Variants in RIOX1 observed in about 807,000 individuals in gnomAD.
The protein encoded by RIOX1 is 60S ribosomal protein L8 histidine hydroxylase.
A neutral mutation model predicts 44.6 loss-of-function variants in RIOX1; 33 were observed. The observed-to-expected ratio is 0.74, with a 90% CI of 0.56 to 0.99. RIOX1 has a LOEUF of 0.99. Among genes scored for constraint, RIOX1 ranks in the 50% least tolerant of loss-of-function variants. The pLI is 0.00. For synonymous variants in RIOX1, 387 were observed against 395.8 expected (o/e 0.98, Z 0.26); for missense variants, 821 against 871.7 (o/e 0.94, Z 0.73).
Position 73,491,668 on chromosome 14 carries a change from C to T in RIOX1, c.651C>T (p.His217=), listed in dbSNP as rs778314813. 1.0e-4 allele frequency: 156 copies of T among 1,550,110 alleles called. 1 individual carries two copies. In the South Asian group the frequency reaches 1.4e-3, roughly 14 times the overall value. ...TCATCGCGCCCATGCCGCCAGATCACTTTTACCGGCGCCTATGGGAGCGCG... is the reference window on the plus strand; with the variant it reads ...TCATCGCGCCCATGCCGCCAGATCATTTTTACCGGCGCCTATGGGAGCGCG... The part of the protein sequence containing the change: ...EWLIAPMPPD[H]FYRRLWEREA... The change falls in exon 1 of 1, where the codon CAC becomes CAT. Residue 217 remains histidine (H), a synonymous_variant. Transcript: ENST00000304061.
In RIOX1 at chr14:73,493,031, C is replaced by A; in HGVS notation, c.*88C>A. On this transcript the variant is annotated 3_prime_UTR_variant, in exon 1 of 1. Transcript: ENST00000304061. The stretch of plus-strand genomic sequence containing the variant: ...TTTTTTTTTTCCTTAAACTCACGTT[C>A]TTACCTTGATAAGCATCAGTGTGCT... The A allele has an allele frequency of 6.5e-7, 1 of 1,530,384 alleles. No homozygotes were observed. Among genetic ancestry groups the A allele is most frequent in the South Asian group, 1.2e-5 (1 of 84,160 alleles). The allele number at this position is 1,530,384 out of a possible 1,614,324, so 94.8% of individuals were successfully genotyped here.
rs370838005 is a variant in RIOX1 at position 73,492,636 on chromosome 14, C to G, written c.1619C>G (p.Ala540Gly). The G allele has an allele frequency of 6.2e-7, 1 of 1,613,916 alleles. No individual in the cohort carries two copies. The highest frequency in any genetic ancestry group is 2.2e-5 in the East Asian group (1 of 44,884). The part of the protein sequence containing the change: ...WEAGEPVNVG[A>G]QLTTETEVHM... Reference sequence around the variant, plus strand: ...GCTGGAGAACCTGTAAACGTGGGGGCCCAGTTGACAACAGAAACAGAAGTC... The same window carrying G: ...GCTGGAGAACCTGTAAACGTGGGGGGCCAGTTGACAACAGAAACAGAAGTC... Residue 540 changes from alanine (A) to glycine (G), a missense_variant, in exon 1 of 1, where the codon GCC becomes GGC. Coordinates refer to ENST00000304061, the MANE Select transcript of RIOX1 (RefSeq NM_024644.5). This position sits in a 1 kb window ranked among gnomAD's most constrained non-coding sequence, Gnocchi z 4.9.
At position 73,491,589 on chromosome 14, in the gene RIOX1, A is replaced by G. The variant is rs1223194908; in HGVS notation, c.572A>G (p.Glu191Gly). 1 of 1,545,752 alleles carries G rather than the reference A, an allele frequency of 6.5e-7. No homozygotes were observed. Residue 191 changes from glutamate (E) to glycine (G), a missense_variant, in exon 1 of 1, where the codon GAG (glutamate) becomes GGG (glycine). Physicochemically the swap from Glu to Gly is moderately conservative, Grantham distance 98 (BLOSUM62 -2). Coordinates refer to ENST00000304061, the MANE Select transcript of RIOX1 (RefSeq NM_024644.5). Reference sequence around the variant, plus strand: ...TCCCCGCTGCGGCGCGTCTTGGCCGAGCTGAACCGCATCCCCAGCAGCCGG... The same window carrying G: ...TCCCCGCTGCGGCGCGTCTTGGCCGGGCTGAACCGCATCCCCAGCAGCCGG... The part of the protein sequence containing the change: ...WDSPLRRVLA[E>G]LNRIPSSRRR...
In RIOX1 at chr14:73,491,353, G is replaced by GC; in HGVS notation, c.337dup (p.Arg113ProfsTer62). 7.0e-7 allele frequency: 1 copy of GC among 1,432,484 alleles called. No individual in the cohort carries two copies. The highest frequency in any genetic ancestry group is 9.1e-7 in the Non-Finnish European group (1 of 1,095,702). The allele number at this position is 1,432,484 out of a possible 1,614,324, so 88.7% of individuals were successfully genotyped here. A position where few individuals can be genotyped will look rare whatever the true frequency, so the allele number is the denominator to read the frequency against. On this transcript the variant is annotated frameshift_variant, in exon 1 of 1. Coordinates refer to ENST00000304061, the MANE Select transcript of RIOX1 (RefSeq NM_024644.5). LOFTEE classifies it high-confidence loss of function. ...AGCTGCTGGAGGCCTCGCCCGCCGC[G>GC]CGCTCCCTGCAGACCCCGTCGGCGC...
chr14:73,491,725 C>G lies in RIOX1; in HGVS notation c.708C>G (p.Thr236=). The G allele has an allele frequency of 6.4e-7, 1 of 1,552,286 alleles. No homozygotes were observed. Among genetic ancestry groups the G allele is most frequent in the Non-Finnish European group, 8.7e-7 (1 of 1,147,966 alleles). Residue 236 remains threonine, a synonymous_variant, in exon 1 of 1, where the codon ACC becomes ACG. Coordinates refer to ENST00000304061, the MANE Select transcript of RIOX1 (RefSeq NM_024644.5). ...TGCTGGTGCGGCGGCAGGACCACAC[C>G]TACTACCAGGGACTTTTCTCTACCG... ...EAVLVRRQDH[T]YYQGLFSTAD... is the part of the protein sequence containing the mutation.
At position 73,492,232 on chromosome 14, in the gene RIOX1, C is replaced by T. The variant is rs1156878599; in HGVS notation, c.1215C>T (p.His405=). The part of the protein sequence containing the change: ...DLLYFPRGFI[H]QAECQDGVHS... ...TGTATTTTCCTCGGGGCTTCATTCACCAAGCTGAATGCCAGGATGGAGTCC... is the reference window on the plus strand; with the variant it reads ...TGTATTTTCCTCGGGGCTTCATTCATCAAGCTGAATGCCAGGATGGAGTCC... The change falls in exon 1 of 1, where the codon CAC becomes CAT. Residue 405 remains histidine, a synonymous_variant. Coordinates refer to ENST00000304061, the MANE Select transcript of RIOX1 (RefSeq NM_024644.5). This position sits in a 1 kb window ranked among gnomAD's most constrained non-coding sequence, Gnocchi z 4.9. The T allele has an allele frequency of 6.2e-7, 1 of 1,613,922 alleles. No homozygotes were observed. The highest frequency in any genetic ancestry group is 2.2e-5 in the East Asian group (1 of 44,902).
At position 73,493,275 on chromosome 14, in the gene RIOX1, T is replaced by A. The variant is rs545404820; in HGVS notation, c.*332T>A. 1 of 615,872 alleles carries A rather than the reference T, an allele frequency of 1.6e-6. No individual in the cohort carries two copies. Among genetic ancestry groups the A allele is most frequent in the East Asian group, 2.8e-5 (1 of 35,182 alleles). The allele number at this position is 615,872 out of a possible 1,614,324, so 38.2% of individuals were successfully genotyped here. On this transcript the variant is annotated 3_prime_UTR_variant, in exon 1 of 1. Coordinates refer to ENST00000304061, the MANE Select transcript of RIOX1 (RefSeq NM_024644.5). ...TGCTTGAGACAGATATTAGATTTTT[T>A]TTGGAATTTGGATCTTTCATCTGAG...
Position 73,491,305 on chromosome 14 carries a change from A to G in RIOX1, c.288A>G (p.Pro96=). The G allele has an allele frequency of 1.3e-6, 2 of 1,531,252 alleles. No individual in the cohort carries two copies. Among genetic ancestry groups the G allele is most frequent in the Non-Finnish European group, 8.8e-7 (1 of 1,140,784 alleles). 94.9% of individuals were successfully genotyped at this position (1,531,252 alleles called of 1,614,324 possible). Reference sequence around the variant, plus strand: ...TCCCGGACGCAGCCCGGCGAGAGCCATACGGCCACCTGGGGCCCGCAGAGC... The same window carrying G: ...TCCCGGACGCAGCCCGGCGAGAGCCGTACGGCCACCTGGGGCCCGCAGAGC... ...AAVPDAARRE[P]YGHLGPAELL... is the part of the protein sequence containing the mutation. The change falls in exon 1 of 1, where the codon CCA becomes CCG. Residue 96 remains proline (P), a synonymous_variant. Transcript: ENST00000304061.
rs936058983 is a variant in RIOX1 at position 73,493,316 on chromosome 14, G to A, written c.*373G>A. On this transcript the variant is annotated 3_prime_UTR_variant, in exon 1 of 1. Coordinates refer to ENST00000304061, the MANE Select transcript of RIOX1 (RefSeq NM_024644.5). ...TTCATCTGAGTTCTTTTTCATGGGC[G>A]GGTCGGGGTCAGTATCCTGTTTGTT... The A allele has an allele frequency of 3.4e-5, 19 of 563,816 alleles. No homozygotes were observed. The highest frequency in any genetic ancestry group is 1.8e-4 in the South Asian group (7 of 39,472). 34.9% of individuals were successfully genotyped at this position (563,816 alleles called of 1,614,324 possible).
At position 73,492,592 on chromosome 14, in the gene RIOX1, G is replaced by C. The variant is rs766012728; in HGVS notation, c.1575G>C (p.Gly525=). The C allele has an allele frequency of 2.1e-5, 34 of 1,613,836 alleles. No individual in the cohort carries two copies. The highest frequency in any genetic ancestry group is 2.8e-5 in the Non-Finnish European group (33 of 1,179,870). ...GGGAGAGGGCACTAAGTGTTTACGG[G>C]CTTCCAATTCGCTGGGAGGCTGGAG... The part of the protein sequence containing the change: ...TDRERALSVY[G]LPIRWEAGEP... Residue 525 remains glycine, a synonymous_variant, in exon 1 of 1, where the codon GGG becomes GGC. Coordinates refer to ENST00000304061, the MANE Select transcript of RIOX1 (RefSeq NM_024644.5). The surrounding 1 kb of genome is among the most constrained non-coding windows in gnomAD (Gnocchi z 4.9).
At position 73,493,265 on chromosome 14, in the gene RIOX1, T is replaced by A. The variant is rs772020820; in HGVS notation, c.*322T>A. On this transcript the variant is annotated 3_prime_UTR_variant, in exon 1 of 1. Transcript: ENST00000304061. ...CATGTCGTTCTGCTTGAGACAGATA[T>A]TAGATTTTTTTTGGAATTTGGATCT... The A allele has an allele frequency of 1.5e-6, 1 of 660,634 alleles. No homozygotes were observed. Among genetic ancestry groups the A allele is most frequent in the Non-Finnish European group, 2.6e-6 (1 of 385,008 alleles). 40.9% of individuals were successfully genotyped at this position (660,634 alleles called of 1,614,324 possible).
Position 73,492,603 on chromosome 14 carries a change from G to C in RIOX1, c.1586G>C (p.Arg529Pro), listed in dbSNP as rs764991790. ...CTAAGTGTTTACGGGCTTCCAATTC[G>C]CTGGGAGGCTGGAGAACCTGTAAAC... ...RALSVYGLPIRWEAGEPVNVG... is the reference protein window; with the variant it reads ...RALSVYGLPIPWEAGEPVNVG... The change falls in exon 1 of 1, where the codon CGC becomes CCC. Residue 529 changes from arginine (R) to proline (P), a missense_variant. Around this residue, in one of 2 missense-constraint regions of RIOX1, gnomAD observed 267 missense variants for 340.5 expected, o/e 0.78. Coordinates refer to ENST00000304061, the MANE Select transcript of RIOX1 (RefSeq NM_024644.5). This position sits in a 1 kb window ranked among gnomAD's most constrained non-coding sequence, Gnocchi z 4.9. 1.2e-6 allele frequency: 2 copies of C among 1,613,930 alleles called. No individual in the cohort carries two copies. The highest frequency in any genetic ancestry group is 2.2e-5 in the South Asian group (2 of 91,084).
Position 73,492,409 on chromosome 14 carries a change from C to G in RIOX1, c.1392C>G (p.Ala464=). 6.2e-7 allele frequency: 1 copy of G among 1,613,680 alleles called. No homozygotes were observed. The highest frequency in any genetic ancestry group is 1.1e-5 in the South Asian group (1 of 91,062). Residue 464 remains alanine (A), a synonymous_variant, in exon 1 of 1, where the codon GCC becomes GCG. Transcript: ENST00000304061. The surrounding 1 kb of genome is among the most constrained non-coding windows in gnomAD (Gnocchi z 4.9). ...LPRDFMDYMG[A]QHSDSKDPRR... ...GAGACTTCATGGATTACATGGGGGC[C>G]CAGCATTCAGATTCTAAGGATCCGC...
In RIOX1 at chr14:73,491,102, G is replaced by A. The variant is rs930517017; in HGVS notation, c.85G>A (p.Val29Ile). The change falls in exon 1 of 1, where the codon GTC (valine) becomes ATC (isoleucine). Residue 29 changes from valine (V) to isoleucine (I), a missense_variant. Physicochemically the swap from Val to Ile is conservative, Grantham distance 29 (BLOSUM62 3). This residue lies in a region of RIOX1 where 554 missense variants were observed against 531.2 expected (regional missense o/e 1.04). Transcript: ENST00000304061. ...CAAGCCCCAGCCACACAGCGGGTCG[G>A]TCCTGGCCCTGCCCTTGAGGTCCAG... ...RRKPQPHSGS[V>I]LALPLRSRKI... The A allele has an allele frequency of 6.2e-7, 1 of 1,606,080 alleles. No individual in the cohort carries two copies. The highest frequency in any genetic ancestry group is 8.5e-7 in the Non-Finnish European group (1 of 1,176,440).
Position 73,491,834 on chromosome 14 carries a change from G to T in RIOX1, c.817G>T (p.Glu273Ter). The change falls in exon 1 of 1, where the codon GAG becomes TAG. Residue 273 changes from glutamate (E) to a stop codon, truncating the protein, a stop_gained. Coordinates refer to ENST00000304061, the MANE Select transcript of RIOX1 (RefSeq NM_024644.5). LOFTEE classifies it high-confidence loss of function. ...CGCTCGCTACATCAACGGACGACGC[G>T]AGACCCTGAACCCACCCGGCCGCGC... ...DAARYINGRR[E>*]TLNPPGRALP... The T allele has an allele frequency of 6.2e-7, 1 of 1,608,244 alleles. No individual in the cohort carries two copies. The highest frequency in any genetic ancestry group is 1.3e-5 in the African/African-American group (1 of 74,798).
rs200061659 is a variant in RIOX1, at chr14:73,492,870, A to G, written c.1853A>G (p.Asp618Gly). 3.1e-4 allele frequency: 506 copies of G among 1,613,864 alleles called. No individual in the cohort carries two copies. The highest frequency in any genetic ancestry group is 4.0e-4 in the Non-Finnish European group (473 of 1,179,856). The change falls in exon 1 of 1, where the codon GAC becomes GGC. Residue 618 changes from aspartate (D) to glycine (G), a missense_variant. Coordinates refer to ENST00000304061, the MANE Select transcript of RIOX1 (RefSeq NM_024644.5). This position sits in a 1 kb window ranked among gnomAD's most constrained non-coding sequence, Gnocchi z 4.9. ...VGDLPCDSVEDQLSLATTLYD... is the reference protein window; with the variant it reads ...VGDLPCDSVEGQLSLATTLYD... ...GACCTGCCCTGTGACAGTGTGGAGGACCAGCTGTCCTTGGCAACCACGTTG... is the reference window on the plus strand; with the variant it reads ...GACCTGCCCTGTGACAGTGTGGAGGGCCAGCTGTCCTTGGCAACCACGTTG...
rs1412276616 is a variant in RIOX1 at position 73,492,006 on chromosome 14, C to T, written c.989C>T (p.Thr330Met). Reference protein sequence around the residue: ...GSMAGSNVYLTPPNSQGFAPH... With the variant: ...GSMAGSNVYLMPPNSQGFAPH... ...ATGGCAGGCTCCAACGTTTACCTCACGCCCCCTAACTCGCAGGGCTTTGCC... is the reference window on the plus strand; with the variant it reads ...ATGGCAGGCTCCAACGTTTACCTCATGCCCCCTAACTCGCAGGGCTTTGCC... Residue 330 changes from threonine to methionine, a missense_variant, in exon 1 of 1, where the codon ACG becomes ATG. Around this residue, in one of 2 missense-constraint regions of RIOX1, gnomAD observed 554 missense variants for 531.2 expected, o/e 1.04. Transcript: ENST00000304061. The surrounding 1 kb of genome is among the most constrained non-coding windows in gnomAD (Gnocchi z 4.9). The T allele has an allele frequency of 6.2e-7, 1 of 1,613,992 alleles. No homozygotes were observed. Among genetic ancestry groups the T allele is most frequent in the Non-Finnish European group, 8.5e-7 (1 of 1,179,902 alleles).
Position 73,491,614 on chromosome 14 carries a change from G to T in RIOX1, c.597G>T (p.Arg199=). 1 of 1,547,458 alleles carries T rather than the reference G, an allele frequency of 6.5e-7. No homozygotes were observed. Among genetic ancestry groups the T allele is most frequent in the African/African-American group, 1.4e-5 (1 of 73,084 alleles). Residue 199 remains arginine, a synonymous_variant, in exon 1 of 1, where the codon CGG becomes CGT. Transcript: ENST00000304061. ...LAELNRIPSS[R]RRAARLFEWL... The stretch of plus-strand genomic sequence containing the variant: ...AGCTGAACCGCATCCCCAGCAGCCG[G>T]CGGCGAGCGGCCCGCCTCTTTGAGT...
Position 73,491,219 on chromosome 14 carries a change from G to A in RIOX1, c.202G>A (p.Val68Met). 6.3e-7 allele frequency: 1 copy of A among 1,594,544 alleles called. No homozygotes were observed. The highest frequency in any genetic ancestry group is 8.6e-7 in the Non-Finnish European group (1 of 1,168,660). ...LPSENSEESR[V>M]ESTADDLGDA... Reference sequence around the variant, plus strand: ...TAGCGAGAACTCGGAGGAATCGAGGGTGGAGTCGACGGCCGACGACCTGGG... The same window carrying A: ...TAGCGAGAACTCGGAGGAATCGAGGATGGAGTCGACGGCCGACGACCTGGG... The change falls in exon 1 of 1, where the codon GTG becomes ATG. Residue 68 changes from valine (V) to methionine (M), a missense_variant. Val to Met is a conservative substitution (Grantham distance 21). This residue lies in a region of RIOX1 where 554 missense variants were observed against 531.2 expected (regional missense o/e 1.04). Coordinates refer to ENST00000304061, the MANE Select transcript of RIOX1 (RefSeq NM_024644.5).
Sources: gnomAD v4.1 joint callset for allele counts on GRCh38, gnomAD v4.1.1 for gene constraint, gnomAD v4.1.1 regional missense constraint, Gnocchi (gnomAD v3.1) non-coding constraint, MANE v1.5 for transcripts, NCBI Gene and HGNC (gene_info 2026-07-23, HGNC 2026-07-21) for gene names.